The following OR6Y1 variants were observed in gnomAD, a reference collection of about 807,000 sequenced individuals.
The protein encoded by OR6Y1 is olfactory receptor family 6 subfamily Y member 1.
A neutral mutation model predicts 0.4 loss-of-function variants in OR6Y1; 1 was observed. The observed-to-expected ratio is 2.74, with a 90% CI of 0.97 to 13.02. The LOEUF (loss-of-function observed/expected upper bound fraction) is 13.02, where lower values mean the gene tolerates loss of function less well. Among genes scored for constraint, OR6Y1 ranks in the 30% most tolerant of loss-of-function variants. The pLI is 0.12. For synonymous variants in OR6Y1, 173 were observed against 141.1 expected (o/e 1.23, Z -1.60); for missense variants, 480 against 399.8 (o/e 1.20, Z -1.71).
Position 158,547,265 on chromosome 1 carries a change from C to G in OR6Y1, c.841G>C (p.Val281Leu), listed in dbSNP as rs1647567013. The change falls in exon 2 of 2, where the codon GTT becomes CTT. Residue 281 changes from valine to leucine, a missense_variant. Val to Leu is a conservative substitution (Grantham distance 32). Coordinates refer to ENST00000641622, the MANE Select transcript of OR6Y1 (RefSeq NM_001005189.2). ...YAYNSNKVVS[V>L]LYTVIVPLLN... ...AGTGGAACAATGACAGTGTAGAGAA[C>G]AGATACCACTTTGTTGGAATTGTAG... 1 of 1,613,454 alleles carries G rather than the reference C, an allele frequency of 6.2e-7. No homozygotes were observed. The highest frequency in any genetic ancestry group is 8.5e-7 in the Non-Finnish European group (1 of 1,180,008).
At chr1:158,553,887 G>C (rs1256801436) in intron 1 of OR6Y1, among the ~76,000 whole-genome samples, 1 of 152,046 alleles carries the variant, frequency 6.6e-6, no homozygotes, top group Admixed American at 6.5e-5. Flanking sequence ...TCATTCTCAG[G>C]CTTATTTCAC....
At position 158,547,886 on chromosome 1, in the gene OR6Y1, G is replaced by A. The variant is rs1647596204; in HGVS notation, c.220C>T (p.Leu74=). Residue 74 remains leucine, a synonymous_variant, in exon 2 of 2, where the codon CTG becomes TTG. Coordinates refer to ENST00000641622, the MANE Select transcript of OR6Y1 (RefSeq NM_001005189.2). ...MYFFLSHLSF[L]EMWYVTVISP... ...ATGACTGTGACATACCACATCTCCA[G>A]GAAGGAGAGGTGGCTCAAGAAGAAG... 1.2e-6 allele frequency: 2 copies of A among 1,613,342 alleles called. No homozygotes were observed. Among genetic ancestry groups the A allele is most frequent in the African/African-American group, 1.3e-5 (1 of 74,474 alleles).
In OR6Y1 at chr1:158,547,375, G is replaced by C; in HGVS notation, c.731C>G (p.Ser244Cys). ...PSAQGRQKAF[S>C]TCASHLTVVI... is the part of the protein sequence containing the mutation. ...GACGGTCAGGTGGGAGGCACAGGTG[G>C]AGAATGCCTTTTGGCGGCCCTGAGC... is the stretch of plus-strand genomic sequence containing the variant. The change falls in exon 2 of 2, where the codon TCC (serine) becomes TGC (cysteine). Residue 244 changes from serine (S) to cysteine (C), a missense_variant. By Grantham distance (112) the Ser-to-Cys change is moderately radical. Coordinates refer to ENST00000641622, the MANE Select transcript of OR6Y1 (RefSeq NM_001005189.2). 4 of 1,613,636 alleles carry C rather than the reference G, an allele frequency of 2.5e-6. No individual in the cohort carries two copies. Among genetic ancestry groups the C allele is most frequent in the Non-Finnish European group, 3.4e-6 (4 of 1,180,008 alleles).
chr1:158,547,241 G>A lies in OR6Y1; in HGVS notation c.865C>T (p.Leu289Phe), dbSNP rs376212059. 5 of 1,613,598 alleles carry A rather than the reference G, an allele frequency of 3.1e-6. No homozygotes were observed. The highest frequency in any genetic ancestry group is 1.3e-5 in the African/African-American group (1 of 74,536). Residue 289 changes from leucine to phenylalanine, a missense_variant, in exon 2 of 2, where the codon CTC (leucine) becomes TTC (phenylalanine). Coordinates refer to ENST00000641622, the MANE Select transcript of OR6Y1 (RefSeq NM_001005189.2). Reference protein sequence around the residue: ...VSVLYTVIVPLLNPIIYCLRN... With the variant: ...VSVLYTVIVPFLNPIIYCLRN... The stretch of plus-strand genomic sequence containing the variant: ...AGACAGTAAATGATGGGGTTGAGGA[G>A]TGGAACAATGACAGTGTAGAGAACA...
In OR6Y1 at chr1:158,544,826, G is replaced by T. The variant is rs1034985882; in HGVS notation, c.*2302C>A. ...CTTGCATTAGTTTGCTAAAGGTGAT[G>T]GCCTCCAGTCCCATCCATGTTCCCG... On this transcript the variant is annotated 3_prime_UTR_variant, in exon 2 of 2. Coordinates refer to ENST00000641622, the MANE Select transcript of OR6Y1 (RefSeq NM_001005189.2). 5 of 152,240 alleles carry T rather than the reference G, an allele frequency of 3.3e-5. No homozygotes were observed. The highest frequency in any genetic ancestry group is 2.0e-4 in the Admixed American group (3 of 15,282). The allele number at this position is 152,240 out of a possible 1,614,324, so 9.4% of individuals were successfully genotyped here. A position where few individuals can be genotyped will look rare whatever the true frequency, so the allele number is the denominator to read the frequency against.
chr1:158,551,181 A>G (rs974185645), intron 1 of OR6Y1, among the ~76,000 whole-genome samples: 1 of 151,236 alleles, frequency 6.6e-6, no homozygotes. Context: ...ATGGCACTCT[A>G]TGCAAGGAAT....
At position 158,547,973 on chromosome 1, in the gene OR6Y1, G is replaced by A. The variant is rs143944560; in HGVS notation, c.133C>T (p.Leu45=). The A allele has an allele frequency of 6.2e-7, 1 of 1,613,530 alleles. No homozygotes were observed. Among genetic ancestry groups the A allele is most frequent in the Middle Eastern group, 1.6e-4 (1 of 6,062 alleles). The change falls in exon 2 of 2, where the codon CTG becomes TTG. Residue 45 remains leucine (L), a synonymous_variant. Coordinates refer to ENST00000641622, the MANE Select transcript of OR6Y1 (RefSeq NM_001005189.2). ...GCTAAGATGATAAGAAGATTCTCCA[G>A]CAGTGTCAGCAGATAGGTTGCCAGG... ...IFLATYLLTL[L]ENLLIILAIH...
At chr1:158,550,670 G>A (rs948992768) in intron 1 of OR6Y1, among the ~76,000 whole-genome samples, 2 of 151,700 alleles carry the variant, frequency 1.3e-5, no homozygotes, top group East Asian at 3.9e-4. Context: ...TGTAGATATA[G>A]TAAGGTGTCT....
chr1:158,547,422 G>A lies in OR6Y1; in HGVS notation c.684C>T (p.Ala228=), dbSNP rs377218476. 5.0e-6 allele frequency: 8 copies of A among 1,613,396 alleles called. No individual in the cohort carries two copies. The highest frequency in any genetic ancestry group is 6.8e-6 in the Non-Finnish European group (8 of 1,179,992). ...GAGCAGAAGGGATCCTGAGGATGGT[G>A]GCAAGGATAGCAGCGTAGGATGCCA... ...VVVASYAAIL[A]TILRIPSAQG... is the part of the protein sequence containing the mutation. Residue 228 remains alanine, a synonymous_variant, in exon 2 of 2, where the codon GCC becomes GCT. Coordinates refer to ENST00000641622, the MANE Select transcript of OR6Y1 (RefSeq NM_001005189.2).
chr1:158,547,961 G>T lies in OR6Y1; in HGVS notation c.145C>A (p.Leu49Ile). ...TCACTGTGGATAGCTAAGATGATAA[G>T]AAGATTCTCCAGCAGTGTCAGCAGA... ...TYLLTLLENL[L>I]IILAIHSDGQ... Residue 49 changes from leucine (L) to isoleucine (I), a missense_variant, in exon 2 of 2, where the codon CTT becomes ATT. Coordinates refer to ENST00000641622, the MANE Select transcript of OR6Y1 (RefSeq NM_001005189.2). The T allele has an allele frequency of 1.2e-6, 2 of 1,613,556 alleles. No homozygotes were observed. The highest frequency in any genetic ancestry group is 1.7e-6 in the Non-Finnish European group (2 of 1,179,986).
At position 158,549,232 on chromosome 1, in the gene OR6Y1, A is replaced by T. The variant is rs998471022; in HGVS notation, c.-1127T>A. 6.6e-6 allele frequency: 1 copy of T among 151,774 alleles called. No homozygotes were observed. The highest frequency in any genetic ancestry group is 1.5e-5 in the Non-Finnish European group (1 of 68,042). 9.4% of individuals were successfully genotyped at this position (151,774 alleles called of 1,614,324 possible). A position where few individuals can be genotyped will look rare whatever the true frequency, so the allele number is the denominator to read the frequency against. On this transcript the variant is annotated 5_prime_UTR_variant, in exon 2 of 2. Coordinates refer to ENST00000641622, the MANE Select transcript of OR6Y1 (RefSeq NM_001005189.2). ...CTGCATTTCTGTTCATTAATTTAGCAAAATGTGTGACCTCTTTTTGTGTTA... is the reference window on the plus strand; with the variant it reads ...CTGCATTTCTGTTCATTAATTTAGCTAAATGTGTGACCTCTTTTTGTGTTA...
At chr1:158,552,240 G>GTATATATATATATATATATATA (rs143313955) in intron 1 of OR6Y1, among the ~76,000 whole-genome samples, 1 of 139,288 alleles carries the variant, frequency 7.2e-6, no homozygotes, top group African/African-American at 2.6e-5. Context: ...ATATATATAT[G>GTATATATATATATATATATATA]TATATATATA....
In OR6Y1 at chr1:158,549,555, T is replaced by C. The variant is rs776550098; in HGVS notation, c.-1432-18A>G. 1 of 151,672 alleles carries C rather than the reference T, an allele frequency of 6.6e-6. No homozygotes were observed. The highest frequency in any genetic ancestry group is 1.5e-5 in the Non-Finnish European group (1 of 68,020). 9.4% of individuals were successfully genotyped at this position (151,672 alleles called of 1,614,324 possible). On this transcript the variant is annotated intron_variant, in intron 1 of 1. Coordinates refer to ENST00000641622, the MANE Select transcript of OR6Y1 (RefSeq NM_001005189.2). ...TTAGATTCCTGAAAGAAAGGCAGAA[T>C]AGAAAGGCAGGATTATTCCTTCTGA...
chr1:158,546,848 C>A lies in OR6Y1; in HGVS notation c.*280G>T. The A allele has an allele frequency of 3.7e-6, 1 of 267,348 alleles. No homozygotes were observed. The highest frequency in any genetic ancestry group is 7.1e-6 in the Non-Finnish European group (1 of 140,868). 16.6% of individuals were successfully genotyped at this position (267,348 alleles called of 1,614,324 possible). ...CATCTTCCTCCTTTCCTCCCTCCTACCACCCACTCTCTCTGTCTCTCTCTC... is the reference window on the plus strand; with the variant it reads ...CATCTTCCTCCTTTCCTCCCTCCTAACACCCACTCTCTCTGTCTCTCTCTC... On this transcript the variant is annotated 3_prime_UTR_variant, in exon 2 of 2. Coordinates refer to ENST00000641622, the MANE Select transcript of OR6Y1 (RefSeq NM_001005189.2).
intron 1 of OR6Y1, among the ~76,000 whole-genome samples, chr1:158,549,991 G>A (rs958515775): frequency 2.0e-5 from 3 of 151,636 alleles, no homozygotes; most frequent in African/African-American, 7.3e-5. Flanking sequence ...TTACTGTTTG[G>A]GAGGCACTTT....
chr1:158,549,906 G>T (rs971734055), intron 1 of OR6Y1, among the ~76,000 whole-genome samples: 1 of 151,480 alleles, frequency 6.6e-6, no homozygotes, highest in African/African-American at 2.4e-5. Flanking sequence ...TCTCCATCTT[G>T]CTCTCTCTTA....
At position 158,547,317 on chromosome 1, in the gene OR6Y1, G is replaced by C; in HGVS notation, c.789C>G (p.Thr263=). Residue 263 remains threonine (T), a synonymous_variant, in exon 2 of 2, where the codon ACC becomes ACG. Coordinates refer to ENST00000641622, the MANE Select transcript of OR6Y1 (RefSeq NM_001005189.2). Reference sequence around the variant, plus strand: ...CATACATGAGTTTGGGACGGGCATAGGTGAAAAGTGTCATGGAATAGAAGA... The same window carrying C: ...CATACATGAGTTTGGGACGGGCATACGTGAAAAGTGTCATGGAATAGAAGA... ...VILFYSMTLF[T]YARPKLMYAY... 3 of 1,613,580 alleles carry C rather than the reference G, an allele frequency of 1.9e-6. No individual in the cohort carries two copies. The highest frequency in any genetic ancestry group is 2.5e-6 in the Non-Finnish European group (3 of 1,179,962).
Position 158,547,356 on chromosome 1 carries a change from C to G in OR6Y1, c.750G>C (p.Leu250=). The change falls in exon 2 of 2, where the codon CTG becomes CTC. Residue 250 remains leucine (L), a synonymous_variant. Coordinates refer to ENST00000641622, the MANE Select transcript of OR6Y1 (RefSeq NM_001005189.2). ...QKAFSTCASH[L]TVVILFYSMT... ...TGGAATAGAAGAGAATTACGACGGT[C>G]AGGTGGGAGGCACAGGTGGAGAATG... The G allele has an allele frequency of 6.2e-7, 1 of 1,613,454 alleles. No individual in the cohort carries two copies.
At position 158,548,053 on chromosome 1, in the gene OR6Y1, A is replaced by G; in HGVS notation, c.53T>C (p.Ile18Thr). 2 of 1,613,556 alleles carry G rather than the reference A, an allele frequency of 1.2e-6. No individual in the cohort carries two copies. Among genetic ancestry groups the G allele is most frequent in the East Asian group, 2.2e-5 (1 of 44,870 alleles). ...TGGTCGTGTTGGAAACCCCAGAAGA[A>G]TGAAACGTGTTGTCACTGTATGATT... ...VDNHTVTTRF[I>T]LLGFPTRPAF... Residue 18 changes from isoleucine (I) to threonine (T), a missense_variant, in exon 2 of 2, where the codon ATT (isoleucine) becomes ACT (threonine). Coordinates refer to ENST00000641622, the MANE Select transcript of OR6Y1 (RefSeq NM_001005189.2).
Sources: gnomAD v4.1 joint callset for allele counts (sites outside exome capture counted in the v4.1 genomes callset) on GRCh38, gnomAD v4.1.1 for gene constraint, MANE v1.5 for transcripts, NCBI Gene and HGNC (gene_info 2026-07-23, HGNC 2026-07-21) for gene names.